PDE4D: variants seen among roughly 807,000 people sequenced by gnomAD.
PDE4D encodes 3',5'-cyclic-AMP phosphodiesterase 4D.
PDE4D carries 24 observed loss-of-function variants against 87.4 expected under a neutral mutation model. The ratio of observed to expected loss-of-function variants is 0.27; its 90% CI spans 0.20 to 0.39. The LOEUF is 0.39. Ranked by LOEUF, PDE4D falls within the 10% of genes least tolerant of loss-of-function variation. The pLI is 1.00. For synonymous variants in PDE4D, 384 were observed against 383.2 expected, an observed-to-expected ratio of 1.00 and a Z score of -0.02; for missense variants, 714 against 1,041.0, an observed-to-expected ratio of 0.69 and a Z score of 4.32.
intron 3 of PDE4D, among the ~76,000 whole-genome samples, chr5:59,916,701 T>A (rs1449151697): frequency 6.6e-6 from 1 of 152,210 alleles, no homozygotes; most frequent in East Asian, 1.9e-4. Flanking sequence ...GTTCTAGATA[T>A]TGGCAACATT....
At chr5:59,762,293 T>C (rs1365643815) in intron 1 of PDE4D, among the ~76,000 whole-genome samples, 3 of 150,362 alleles carry the variant, frequency 2.0e-5, no homozygotes, top group African/African-American at 7.4e-5. Context: ...CATATGCGTA[T>C]ATGGGTACAC....
intron 1 of PDE4D, among the ~76,000 whole-genome samples, chr5:60,212,438 A>T (rs2149576531): frequency 6.6e-6 from 1 of 152,296 alleles, no homozygotes; most frequent in East Asian, 1.9e-4. Flanking sequence ...GTGCAGTGAA[A>T]GGCACCTGAC....
At chr5:60,320,242 G>C (rs534505721) in intron 1 of PDE4D, among the ~76,000 whole-genome samples, 1 of 152,358 alleles carries the variant, frequency 6.6e-6, no homozygotes, top group South Asian at 2.1e-4. Context: ...TGCTGTGCTG[G>C]CAATGAGCAA....
At chr5:60,189,571 C>T (rs1305818834) in intron 1 of PDE4D, among the ~76,000 whole-genome samples, 1 of 152,090 alleles carries the variant, frequency 6.6e-6, no homozygotes, top group Non-Finnish European at 1.5e-5. Context: ...GCAAATGTCC[C>T]CATACATAAT....
chr5:59,429,429 C>T (rs1039101169), intron 1 of PDE4D, among the ~76,000 whole-genome samples: 18 of 151,614 alleles, frequency 1.2e-4, no homozygotes, highest in African/African-American at 4.4e-4. Flanking sequence ...ACTTAAACAT[C>T]CCTTCATGTT....
At chr5:59,995,478 C>T (rs546325843) in intron 2 of PDE4D, among the ~76,000 whole-genome samples, 1 of 152,078 alleles carries the variant, frequency 6.6e-6, no homozygotes, top group Non-Finnish European at 1.5e-5. Context: ...GCCACCACAC[C>T]CAGCTAATTT....
intron 1 of PDE4D, among the ~76,000 whole-genome samples, chr5:59,477,500 G>A (rs1177689132): frequency 1.3e-5 from 2 of 151,820 alleles, no homozygotes; most frequent in Non-Finnish European, 2.9e-5. Context: ...GAAACTCTTA[G>A]ATATTTTAAA....
intron 1 of PDE4D, among the ~76,000 whole-genome samples, chr5:59,862,067 A>C (rs1746358439): frequency 6.6e-6 from 1 of 152,060 alleles, no homozygotes; most frequent in Non-Finnish European, 1.5e-5. Context: ...GGACCACTCA[A>C]CACCACCCTC....
At chr5:59,071,203 C>G (rs528306311) in intron 5 of PDE4D, among the ~76,000 whole-genome samples, 1 of 152,230 alleles carries the variant, frequency 6.6e-6, no homozygotes, top group East Asian at 1.9e-4. Flanking sequence ...ATTTTTGATC[C>G]TTCTATACGA....
At chr5:59,429,494 A>G (rs1336623475) in intron 1 of PDE4D, among the ~76,000 whole-genome samples, 4 of 152,168 alleles carry the variant, frequency 2.6e-5, no homozygotes, top group Non-Finnish European at 5.9e-5. Flanking sequence ...TGTAGATATA[A>G]TTAGAAAAAG....
At chr5:59,979,039 G>A (rs1295158089) in intron 3 of PDE4D, among the ~76,000 whole-genome samples, 2 of 152,094 alleles carry the variant, frequency 1.3e-5, no homozygotes, top group Non-Finnish European at 2.9e-5. Context: ...AAGCCAAAAA[G>A]TATGTGTGAC....
chr5:60,014,835 C>T (rs189353332), intron 2 of PDE4D, among the ~76,000 whole-genome samples: 22 of 152,194 alleles, frequency 1.4e-4, no homozygotes, highest in African/African-American at 2.2e-4. Context: ...ACTCCGTTTG[C>T]GAATGAGGGC....
intron 1 of PDE4D, among the ~76,000 whole-genome samples, chr5:60,404,255 T>C (rs1741345688): frequency 6.7e-6 from 1 of 148,406 alleles, no homozygotes; most frequent in Non-Finnish European, 1.5e-5. Context: ...AATTAGTGGG[T>C]GGTATTTAAT....
intron 1 of PDE4D, among the ~76,000 whole-genome samples, chr5:59,801,049 T>C (rs1767068218): frequency 6.6e-6 from 1 of 152,214 alleles, no homozygotes; most frequent in Non-Finnish European, 1.5e-5. Context: ...ATCTTTGATC[T>C]GGGTTGAATA....
chr5:60,435,157 A>C (rs966515666), intron 1 of PDE4D, among the ~76,000 whole-genome samples: 1 of 152,088 alleles, frequency 6.6e-6, no homozygotes, highest in African/African-American at 2.4e-5. Context: ...AAACTATCTA[A>C]GAATATTCAG....
At chr5:60,475,416 A>G (rs1748231324) in intron 1 of PDE4D, among the ~76,000 whole-genome samples, 1 of 152,146 alleles carries the variant, frequency 6.6e-6, no homozygotes, top group African/African-American at 2.4e-5. Flanking sequence ...CAGGTCCTTC[A>G]AGGAGAATAA....
chr5:59,498,833 G>A (rs1476478435), intron 1 of PDE4D, among the ~76,000 whole-genome samples: 1 of 151,866 alleles, frequency 6.6e-6, no homozygotes, highest in African/African-American at 2.4e-5. Context: ...ATAATAGTGG[G>A]GAACTTCAGC....
chr5:60,055,220 T>C (rs1160764893), intron 2 of PDE4D, among the ~76,000 whole-genome samples: 1 of 152,048 alleles, frequency 6.6e-6, no homozygotes, highest in Non-Finnish European at 1.5e-5. Context: ...ATATATTAAA[T>C]TTAATTAAAT....
intron 1 of PDE4D, among the ~76,000 whole-genome samples, chr5:59,773,957 T>C (rs6860907): frequency 0.49 from 74,494 of 151,880 alleles, 19,317 homozygotes; most frequent in African/African-American, 0.63. Flanking sequence ...ATTGGTGCCT[T>C]CTGGGTTAAA....
Sources: allele counts gnomAD v4.1 joint callset (sites outside exome capture counted in the v4.1 genomes callset), GRCh38; gene constraint gnomAD v4.1.1; transcripts MANE v1.5; gene names NCBI Gene and HGNC (gene_info 2026-07-23, HGNC 2026-07-21).